Variants in NAIP observed in about 807,000 individuals in gnomAD.
The protein encoded by NAIP is NLR family apoptosis inhibitory protein, also known as baculoviral IAP repeat-containing protein 1.
Under a neutral mutation model 23.0 loss-of-function variants are expected in NAIP, and 15 were observed. That is an observed-to-expected ratio of 0.65 (90% confidence interval 0.44 to 1.00). The LOEUF is 1.00. Ranked by LOEUF, NAIP falls within the 50% of genes least tolerant of loss-of-function variation. The probability of loss-of-function intolerance (pLI) is 0.00; values close to 1 mark genes in which losing one functional copy is unlikely to be tolerated. For missense variants in NAIP, 265 were observed against 278.8 expected, an observed-to-expected ratio of 0.95 and a Z score of 0.35; for synonymous variants, 100 against 100.2, an observed-to-expected ratio of 1.00 and a Z score of 0.01.
intron 5 of NAIP, among the ~76,000 whole-genome samples, chr5:71,008,915 C>G (rs1336578735): frequency 7.6e-6 from 1 of 131,156 alleles, no homozygotes; most frequent in Admixed American, 7.5e-5. Context: ...ACATGTTAGA[C>G]TATGCCAGAG....
Position 70,978,147 on chromosome 5 carries a change from A to T in NAIP, c.3443-1089T>A, listed in dbSNP as rs1177808712. On this transcript the variant is annotated intron_variant, in intron 13 of 16. Coordinates refer to ENST00000517649, the MANE Select transcript of NAIP (RefSeq NM_004536.3). Reference sequence around the variant, plus strand: ...CACACACACATATATATATATATATATATTTTTTTTTTTTTTTTTTTTGAG... The same window carrying T: ...CACACACACATATATATATATATATTTATTTTTTTTTTTTTTTTTTTTGAG... Among the ~76,000 whole-genome samples, 353 of 37,388 alleles carry T rather than the reference A, an allele frequency of 9.4e-3. 4 individuals are homozygous for T. The highest frequency in any genetic ancestry group is 0.018 in the Non-Finnish European group (240 of 13,352). The allele number at this position is 37,388 out of a possible 152,430, so 24.5% of individuals were successfully genotyped here.
rs891861653 is a variant in NAIP at position 71,007,387 on chromosome 5, CCCTT to C, written c.669-3534_669-3531del. ...CCTCTTCCTGCCTTTCTCCTCTCCTCCCTTGTTTACTTCCTCCCTCCTAATCTCC... is the reference window on the plus strand; with the variant it reads ...CCTCTTCCTGCCTTTCTCCTCTCCTCGTTTACTTCCTCCCTCCTAATCTCC... On this transcript the variant is annotated intron_variant, in intron 5 of 16. Coordinates refer to ENST00000517649, the MANE Select transcript of NAIP (RefSeq NM_004536.3). Among the ~76,000 whole-genome samples, 40 of 60,570 alleles carry C rather than the reference CCCTT, an allele frequency of 6.6e-4. 3 individuals carry two copies. The highest frequency in any genetic ancestry group is 1.0e-3 in the Non-Finnish European group (34 of 33,038). The allele number at this position is 60,570 out of a possible 152,430, so 39.7% of individuals were successfully genotyped here. A position where few individuals can be genotyped will look rare whatever the true frequency, so the allele number is the denominator to read the frequency against.
At chr5:70,978,109 GCACA>G (rs1216316391) in intron 13 of NAIP, among the ~76,000 whole-genome samples, 48 of 22,600 alleles carry the variant, frequency 2.1e-3, no homozygotes, top group African/African-American at 3.2e-3. Context: ...ATATATGTAT[GCACA>G]CACACACACA....
chr5:71,016,060 G>T (rs540119991), intron 3 of NAIP, among the ~76,000 whole-genome samples: 1 of 147,882 alleles, frequency 6.8e-6, no homozygotes, highest in Non-Finnish European at 1.5e-5. Context: ...CGGGAGGATT[G>T]CTTGAGACCA....
intron 5 of NAIP, 105 bp downstream of exon 5, chr5:71,011,170 T>A (rs1751134148): frequency 1.1e-5 from 9 of 801,792 alleles, no homozygotes; most frequent in Non-Finnish European, 1.5e-5. Flanking sequence ...GAGGGAGAAT[T>A]TGCACCGAGC....
rs371002471 is a variant in NAIP at position 71,010,745 on chromosome 5, T to G, written c.668+530A>C. Reference sequence around the variant, plus strand: ...CATGAAACTTCTACTGGGCAAAACCTATCTTAGAATTTGGGATAATGAAAT... The same window carrying G: ...CATGAAACTTCTACTGGGCAAAACCGATCTTAGAATTTGGGATAATGAAAT... On this transcript the variant is annotated intron_variant, in intron 5 of 16. Transcript: ENST00000517649. 3.0e-4 allele frequency among the ~76,000 whole-genome samples: 45 copies of G among 151,414 alleles called. 1 individual carries two copies. The highest frequency in any genetic ancestry group is 9.2e-4 in the African/African-American group (38 of 41,230).
chr5:71,013,065 C>T (rs181000323), intron 3 of NAIP, 147 bp from the exon 4 acceptor site: 3 of 770,344 alleles, frequency 3.9e-6, no homozygotes, highest in Admixed American at 6.1e-5. Flanking sequence ...TATGAAACAT[C>T]AGTATTCATC....
rs1173570781 is a variant in NAIP at position 71,017,846 on chromosome 5, C to CTT, written c.-4+2811_-4+2812dup. Reference sequence around the variant, plus strand: ...GTGAGCCACCATGCCCAGCCCTTTCCTTTTTTTTTTTTTTTTTTTTATAGG... The same window carrying CTT: ...GTGAGCCACCATGCCCAGCCCTTTCCTTTTTTTTTTTTTTTTTTTTTTATAGG... On this transcript the variant is annotated intron_variant, in intron 3 of 16. Transcript: ENST00000517649. Among the ~76,000 whole-genome samples the CTT allele has an allele frequency of 5.5e-3, 501 of 91,538 alleles. 10 individuals carry two copies. The highest frequency in any genetic ancestry group is 0.023 in the African/African-American group (473 of 20,338). 60.1% of individuals were successfully genotyped at this position (91,538 alleles called of 152,430 possible).
intron 3 of NAIP, among the ~76,000 whole-genome samples, chr5:71,017,655 C>G (rs1307648740): frequency 2.3e-5 from 2 of 85,152 alleles, no homozygotes; most frequent in African/African-American, 6.8e-5. Flanking sequence ...ATTCTCCTGC[C>G]TCAGCCTCCT....
chr5:71,003,034 C>T (rs1207786834), intron 6 of NAIP: 1 of 51,090 alleles, frequency 2.0e-5, no homozygotes, highest in Non-Finnish European at 3.4e-5. Context: ...CACACACACA[C>T]GCATGCAAGC....
At chr5:71,009,641 G>A (rs1233362238) in intron 5 of NAIP, among the ~76,000 whole-genome samples, 1 of 151,526 alleles carries the variant, frequency 6.6e-6, no homozygotes, top group East Asian at 1.9e-4. Context: ...AGTGAGCCAA[G>A]ATCGTACCAC....
chr5:71,009,935 A>G (rs1033606258), intron 5 of NAIP, among the ~76,000 whole-genome samples: 4 of 151,586 alleles, frequency 2.6e-5, no homozygotes, highest in Non-Finnish European at 5.9e-5. Flanking sequence ...TCCTTTTCTA[A>G]GCCAGGAACT....
chr5:70,979,584 A>AAAAAAATAAT (rs1331000647), intron 13 of NAIP, among the ~76,000 whole-genome samples: 1 of 42,824 alleles, frequency 2.3e-5, no homozygotes, highest in African/African-American at 1.1e-4. Flanking sequence ...AAAAAAAAAA[A>AAAAAAATAAT]AATAATAATA....
intron 13 of NAIP, among the ~76,000 whole-genome samples, chr5:70,977,520 CA>C (rs1750307727): frequency 7.2e-6 from 1 of 139,742 alleles, no homozygotes; most frequent in Non-Finnish European, 1.5e-5. Flanking sequence ...AAACATTTGC[CA>C]GGCGTGGGTG....
chr5:71,009,572 T>C (rs958738521), intron 5 of NAIP, among the ~76,000 whole-genome samples: 4 of 150,978 alleles, frequency 2.6e-5, no homozygotes, highest in Non-Finnish European at 5.9e-5. Context: ...ATGCCTGTAA[T>C]CTCAGTTACT....
chr5:71,014,555 G>C (rs771901597), intron 3 of NAIP, among the ~76,000 whole-genome samples: 1 of 151,610 alleles, frequency 6.6e-6, no homozygotes, highest in Non-Finnish European at 1.5e-5. Context: ...TTCCAATTCA[G>C]TCTTAGCTGG....
rs2666606 is a variant in NAIP, at chr5:70,978,847, G to A, written c.3442+1022C>T. Among the ~76,000 whole-genome samples the A allele has an allele frequency of 3.5e-4, 9 of 25,698 alleles. 2 individuals are homozygous for A. 16.9% of individuals were successfully genotyped at this position (25,698 alleles called of 152,430 possible). On this transcript the variant is annotated intron_variant, in intron 13 of 16. Transcript: ENST00000517649. The stretch of plus-strand genomic sequence containing the variant: ...TTGCTCTCGTTCCCCATGGAGTTTT[G>A]CTCTTGTTCCCCATGGAGTTTTACT...
intron 5 of NAIP, among the ~76,000 whole-genome samples, chr5:71,008,268 C>T (rs1340170376): frequency 2.1e-5 from 3 of 140,328 alleles, no homozygotes; most frequent in Non-Finnish European, 3.1e-5. Context: ...CAGGGTTTTA[C>T]CATGTTAGCC....
chr5:71,010,767 A>C (rs888419128), intron 5 of NAIP, among the ~76,000 whole-genome samples: 2 of 151,368 alleles, frequency 1.3e-5, no homozygotes, highest in African/African-American at 4.9e-5. Flanking sequence ...TGGGATAATG[A>C]AATACTTAAA....
Sources: allele counts gnomAD v4.1 joint callset (sites outside exome capture counted in the v4.1 genomes callset), GRCh38; gene constraint gnomAD v4.1.1; transcripts MANE v1.5; gene names NCBI Gene and HGNC (gene_info 2026-07-23, HGNC 2026-07-21).